CFAP46: variants seen among roughly 807,000 people sequenced by gnomAD.
CFAP46 encodes cilia and flagella associated protein 46, also known as cilia- and flagella-associated protein 46.
Under a neutral mutation model 325.7 loss-of-function variants are expected in CFAP46, and 245 were observed. The ratio of observed to expected loss-of-function variants is 0.75; its 90% CI spans 0.68 to 0.84. CFAP46 has a LOEUF of 0.84. Among genes scored for constraint, CFAP46 ranks in the 40% least tolerant of loss-of-function variants. The pLI is 0.00. For missense variants in CFAP46, 3,346 were observed against 3,543.0 expected, an observed-to-expected ratio of 0.94 and a Z score of 1.41; for synonymous variants, 1,523 against 1,495.9, an observed-to-expected ratio of 1.02 and a Z score of -0.42.
intron 7 of CFAP46, among the ~76,000 whole-genome samples, chr10:132,936,309 C>T (rs1452077064): frequency 4.4e-5 from 4 of 90,962 alleles, no homozygotes; most frequent in African/African-American, 1.9e-4. Flanking sequence ...CCCAAACACA[C>T]TGCGATCTCC....
intron 39 of CFAP46, among the ~76,000 whole-genome samples, chr10:132,856,157 G>T (rs1306060327): frequency 2.0e-5 from 3 of 152,212 alleles, no homozygotes; most frequent in Non-Finnish European, 4.4e-5. Flanking sequence ...CCTGCGCTGG[G>T]CTCTCAGCTA....
chr10:132,921,957 G>A (rs978984320), intron 13 of CFAP46, 147 bp downstream of exon 13: 30 of 1,071,944 alleles, frequency 2.8e-5, no homozygotes, highest in Non-Finnish European at 3.8e-5. Flanking sequence ...CCGGCGGGCC[G>A]AGATCGAAGG....
chr10:132,821,744 C>G (rs1020870936), intron 50 of CFAP46, among the ~76,000 whole-genome samples: 2 of 118,706 alleles, frequency 1.7e-5, no homozygotes, highest in African/African-American at 3.4e-5. Context: ...TGTGTGTGCG[C>G]TGATGTGTGC....
At chr10:132,936,043 T>TCGG in intron 7 of CFAP46, among the ~76,000 whole-genome samples, 1 of 30,936 alleles carries the variant, frequency 3.2e-5, no homozygotes, top group African/African-American at 1.8e-4. Context: ...CTCACTCCCC[T>TCGG]CACATCCAAA....
intron 19 of CFAP46, among the ~76,000 whole-genome samples, chr10:132,912,035 C>G (rs1371003262): frequency 6.6e-6 from 1 of 152,116 alleles, no homozygotes; most frequent in Non-Finnish European, 1.5e-5. Context: ...TTTCCAGGAG[C>G]CTTCAGAAGC....
chr10:132,926,934 C>T (rs1320873327), intron 9 of CFAP46, among the ~76,000 whole-genome samples: 6 of 152,234 alleles, frequency 3.9e-5, no homozygotes, highest in African/African-American at 9.6e-5. Context: ...GGCCTTGTCC[C>T]GGCCCCCAAC....
At position 132,860,811 on chromosome 10, in the gene CFAP46, A is replaced by C; in HGVS notation, c.5062T>G (p.Ser1688Ala). Residue 1688 changes from serine (S) to alanine (A), a missense_variant, in exon 36 of 58, where the codon TCC becomes GCC. Physicochemically the swap from Ser to Ala is moderately conservative, Grantham distance 99. Coordinates refer to ENST00000368586, the MANE Select transcript of CFAP46 (RefSeq NM_001200049.3). ...GCTTCCCTTCCTGAGTGTTCCATGGACAAGAGCGCCTCTGCCAGGGTCAGA... is the reference window on the plus strand; with the variant it reads ...GCTTCCCTTCCTGAGTGTTCCATGGCCAAGAGCGCCTCTGCCAGGGTCAGA... ...STLTLAEALL[S>A]MEHSGREATV... 6.4e-7 allele frequency: 1 copy of C among 1,551,056 alleles called. No homozygotes were observed. Among genetic ancestry groups the C allele is most frequent in the East Asian group, 2.4e-5 (1 of 40,916 alleles).
chr10:132,922,721 C>T lies in CFAP46; in HGVS notation c.1257-13G>A, dbSNP rs1435874500. 22 of 1,540,334 alleles carry T rather than the reference C, an allele frequency of 1.4e-5. No homozygotes were observed. Among genetic ancestry groups the T allele is most frequent in the African/African-American group, 2.7e-5 (2 of 72,874 alleles). On this transcript the variant is annotated splice_polypyrimidine_tract_variant and intron_variant, in intron 11 of 57. Transcript: ENST00000368586. ...AAGCGTCATGAGGCTGCGGGGGTGG[C>T]GTGGCATCAGGGGCCCTGGCGGCGC...
At position 132,892,341 on chromosome 10, in the gene CFAP46, A is replaced by C; in HGVS notation, c.3296T>G (p.Phe1099Cys). ...FQGGGTTEGY[F>C]LPGAEDDLAL... ...TCTGTCCTGCTACAAACCTGGAAGA[A>C]AATATCCTTCGGTCGTCCCGCCACC... The change falls in exon 25 of 58, where the codon TTT (phenylalanine) becomes TGT (cysteine). Residue 1099 changes from phenylalanine (F) to cysteine (C), a missense_variant. Coordinates refer to ENST00000368586, the MANE Select transcript of CFAP46 (RefSeq NM_001200049.3). The C allele has an allele frequency of 6.4e-7, 1 of 1,550,854 alleles. No homozygotes were observed. The highest frequency in any genetic ancestry group is 1.2e-5 in the South Asian group (1 of 84,064).
chr10:132,910,168 T>G lies in CFAP46; in HGVS notation c.2500-100A>C, dbSNP rs1849519873. On this transcript the variant is annotated intron_variant, in intron 19 of 57. Transcript: ENST00000368586. ...AAAGATGGATGGAGCCCGCTCCTGA[T>G]CCAGCCCGTGAAGGGCCTTAAACAC... 2.5e-6 allele frequency: 3 copies of G among 1,202,470 alleles called. No homozygotes were observed. The African/African-American group carries it at 4.7e-5, about 19-fold the overall frequency. 74.5% of individuals were successfully genotyped at this position (1,202,470 alleles called of 1,614,324 possible).
intron 8 of CFAP46, among the ~76,000 whole-genome samples, chr10:132,930,987 C>T (rs1849889912): frequency 3.0e-5 from 4 of 131,406 alleles, no homozygotes; most frequent in East Asian, 2.6e-4. Context: ...CCCTACACTC[C>T]CCACACAGAG....
chr10:132,836,089 CCCA>C, intron 46 of CFAP46, 50 bp downstream of exon 46: 1 of 1,498,512 alleles, frequency 6.7e-7, no homozygotes, highest in Non-Finnish European at 9.0e-7. Context: ...CCCACTCTCG[CCCA>C]TGCTCCGCCT....
At chr10:132,908,740 G>A (rs1001128386) in intron 21 of CFAP46, 106 bp from the exon 22 acceptor site, 45 of 1,371,120 alleles carry the variant, frequency 3.3e-5, no homozygotes, top group Non-Finnish European at 3.8e-5. Context: ...AAGCAGAGGC[G>A]TGGCCTGTGA....
chr10:132,832,238 TG>T lies in CFAP46; in HGVS notation c.7117+1119del, dbSNP rs1240964338. Among the ~76,000 whole-genome samples the T allele has an allele frequency of 1.3e-5, 2 of 152,186 alleles. No homozygotes were observed. Among genetic ancestry groups the T allele is most frequent in the African/African-American group, 4.8e-5 (2 of 41,450 alleles). On this transcript the variant is annotated intron_variant, in intron 50 of 57. Coordinates refer to ENST00000368586, the MANE Select transcript of CFAP46 (RefSeq NM_001200049.3). This position sits in a 1 kb window ranked among gnomAD's most constrained non-coding sequence, Gnocchi z 4.1. ...CCTGGACTCGCACACAGGTGGTGGC[TG>T]TCTTCCTGCTGAGGGCTCTGCAGAT...
At chr10:132,846,491 C>G (rs1204734990) in intron 43 of CFAP46, among the ~76,000 whole-genome samples, 3 of 152,236 alleles carry the variant, frequency 2.0e-5, no homozygotes, top group Admixed American at 6.5e-5. Context: ...CTGCCCAATC[C>G]TCTGTGGGAC....
intron 22 of CFAP46, among the ~76,000 whole-genome samples, chr10:132,905,730 CAG>C (rs1849448062): frequency 6.6e-6 from 1 of 152,220 alleles, no homozygotes; most frequent in African/African-American, 2.4e-5. Context: ...TGGTGTCAGA[CAG>C]AGACTTCCAG....
intron 50 of CFAP46, among the ~76,000 whole-genome samples, chr10:132,815,977 C>G (rs1316133058): frequency 6.6e-6 from 1 of 152,138 alleles, no homozygotes; most frequent in African/African-American, 2.4e-5. Context: ...GACAGTCTGG[C>G]AGAATTCAGT....
rs1182421856 is a variant in CFAP46 at position 132,869,350 on chromosome 10, G to C, written c.4534C>G (p.Leu1512Val). Residue 1512 changes from leucine to valine, a missense_variant, in exon 33 of 58, where the codon CTG (leucine) becomes GTG (valine). Physicochemically the swap from Leu to Val is conservative, Grantham distance 32. Coordinates refer to ENST00000368586, the MANE Select transcript of CFAP46 (RefSeq NM_001200049.3). The surrounding 1 kb of genome is among the most constrained non-coding windows in gnomAD (Gnocchi z 6.2). ...CGCGCGGCTGCTTCTCTCAGCTTCA[G>C]CTCGGAGCACGCGTGGGCGAGGCTG... ...HLRLAHACSE[L>V]KLREAAARHE... The C allele has an allele frequency of 6.5e-7, 1 of 1,537,646 alleles. No homozygotes were observed. Among genetic ancestry groups the C allele is most frequent in the Non-Finnish European group, 8.7e-7 (1 of 1,144,382 alleles).
intron 25 of CFAP46, among the ~76,000 whole-genome samples, chr10:132,887,216 CCTCTTCTCTCTCTCCTCTCCCCTCTT>C: frequency 1.1e-5 from 1 of 91,270 alleles, no homozygotes; most frequent in Non-Finnish European, 2.2e-5. Flanking sequence ...TTTCCTCTCC[CCTCTTCTCTCTCTCCTCTCCCCTCTT>C]CTCTCTCCTC....
Sources: allele counts gnomAD v4.1 joint callset (sites outside exome capture counted in the v4.1 genomes callset), GRCh38; gene constraint gnomAD v4.1.1; non-coding constraint Gnocchi (gnomAD v3.1); transcripts MANE v1.5; gene names NCBI Gene and HGNC (gene_info 2026-07-23, HGNC 2026-07-21).